Variants in MYO16 observed in about 807,000 individuals in gnomAD.
MYO16 encodes the protein unconventional myosin-XVI.
MYO16 carries 94 observed loss-of-function variants against 205.3 expected under a neutral mutation model. The ratio of observed to expected loss-of-function variants is 0.46; its 90% CI spans 0.39 to 0.54. The LOEUF (loss-of-function observed/expected upper bound fraction) is 0.54. MYO16 is among the 20% of genes least tolerant of loss of function. The pLI is 0.00. For missense variants in MYO16, 2,315 were observed against 2,387.5 expected, an observed-to-expected ratio of 0.97 and a Z score of 0.63; for synonymous variants, 988 against 954.0, an observed-to-expected ratio of 1.04 and a Z score of -0.66.
intron 28 of MYO16, among the ~76,000 whole-genome samples, chr13:109,115,242 C>CAAAA (rs61441934): frequency 4.0e-4 from 23 of 58,034 alleles, no homozygotes; most frequent in African/African-American, 1.7e-3. Flanking sequence ...CTACACCTCT[C>CAAAA]AAAAAAAAAA....
chr13:109,105,260 C>T (rs1313525324), intron 28 of MYO16, among the ~76,000 whole-genome samples: 4 of 152,226 alleles, frequency 2.6e-5, no homozygotes, highest in Non-Finnish European at 4.4e-5. Context: ...CACCTGGGAT[C>T]AGGAGTTCAA....
chr13:108,606,173 GT>G (rs1878951095), intron 1 of MYO16, among the ~76,000 whole-genome samples: 1 of 152,320 alleles, frequency 6.6e-6, no homozygotes, highest in East Asian at 1.9e-4. Context: ...GCAGCCTAAT[GT>G]TGTGATAGAA....
chr13:109,159,922 C>G (rs1219587742), intron 32 of MYO16, among the ~76,000 whole-genome samples: 1 of 152,216 alleles, frequency 6.6e-6, no homozygotes, highest in Non-Finnish European at 1.5e-5. Flanking sequence ...GCCTTTGGAT[C>G]TTAATGTGAA....
intron 20 of MYO16, among the ~76,000 whole-genome samples, chr13:108,980,943 G>A (rs985220070): frequency 3.9e-5 from 6 of 152,048 alleles, no homozygotes; most frequent in African/African-American, 1.2e-4. Context: ...TAAGTACATG[G>A]CCCAAATCAC....
chr13:108,883,168 C>G lies in MYO16; in HGVS notation c.1535C>G (p.Pro512Arg), dbSNP rs1448901330. The G allele has an allele frequency of 6.2e-7, 1 of 1,613,906 alleles. No individual in the cohort carries two copies. The highest frequency in any genetic ancestry group is 8.5e-7 in the Non-Finnish European group (1 of 1,179,858). ...AFHQLFREQR[P>R]QCFILSGERG... is the part of the protein sequence containing the mutation. Reference sequence around the variant, plus strand: ...CACCAGCTCTTCCGGGAACAGCGGCCTCAGTGTTTCATCCTCAGGTGAGTC... The same window carrying G: ...CACCAGCTCTTCCGGGAACAGCGGCGTCAGTGTTTCATCCTCAGGTGAGTC... The change falls in exon 13 of 35, where the codon CCT becomes CGT. Residue 512 changes from proline to arginine, a missense_variant. Coordinates refer to ENST00000457511, the MANE Select transcript of MYO16 (RefSeq NM_001198950.3).
At chr13:108,975,250 T>G (rs992300532) in intron 20 of MYO16, among the ~76,000 whole-genome samples, 1 of 152,048 alleles carries the variant, frequency 6.6e-6, no homozygotes, top group African/African-American at 2.4e-5. Context: ...TTTTCTCATG[T>G]TTTGCTGGAT....
At chr13:108,977,524 A>G (rs1884306826) in intron 20 of MYO16, among the ~76,000 whole-genome samples, 1 of 152,154 alleles carries the variant, frequency 6.6e-6, no homozygotes, top group African/African-American at 2.4e-5. Flanking sequence ...GCAATCATAT[A>G]CCATGCTCCA....
At chr13:108,728,033 T>C (rs574868552) in intron 4 of MYO16, among the ~76,000 whole-genome samples, 1 of 152,164 alleles carries the variant, frequency 6.6e-6, no homozygotes, top group Non-Finnish European at 1.5e-5. Context: ...ATAAAAAGCA[T>C]TGGAGTTTGT....
chr13:108,678,752 G>A (rs1440897613), intron 2 of MYO16, among the ~76,000 whole-genome samples: 1 of 152,080 alleles, frequency 6.6e-6, no homozygotes, highest in African/African-American at 2.4e-5. Context: ...CTCCCATGCA[G>A]GTTACTCTTC....
At chr13:108,869,663 G>A (rs1490815030) in intron 12 of MYO16, among the ~76,000 whole-genome samples, 5 of 145,228 alleles carry the variant, frequency 3.4e-5, no homozygotes, top group East Asian at 2.0e-4. Context: ...CCCGGGAGGC[G>A]GAGGTTGCAG....
intron 16 of MYO16, among the ~76,000 whole-genome samples, chr13:108,914,656 C>CT (rs891007749): frequency 2.6e-5 from 4 of 152,024 alleles, no homozygotes; most frequent in Non-Finnish European, 4.4e-5. Context: ...CTGTAATTCC[C>CT]TTTTTTTTCT....
intron 1 of MYO16, among the ~76,000 whole-genome samples, chr13:108,632,548 G>C (rs1566516604): frequency 6.6e-6 from 1 of 152,080 alleles, no homozygotes; most frequent in African/African-American, 2.4e-5. Context: ...ACGCTTCAAG[G>C]TCGAAACTTA....
At chr13:108,868,699 G>A (rs1878848411) in intron 12 of MYO16, among the ~76,000 whole-genome samples, 3 of 151,972 alleles carry the variant, frequency 2.0e-5, no homozygotes, top group Admixed American at 6.6e-5. Flanking sequence ...AAGGCAGGTG[G>A]ATCATGAGGT....
chr13:109,101,204 C>T (rs1431505469), intron 28 of MYO16: 1 of 228,438 alleles, frequency 4.4e-6, no homozygotes, highest in African/African-American at 2.2e-5. Context: ...TTACCCATAG[C>T]AGGAGTCAGA....
intron 3 of MYO16, 23 bp from the exon 4 acceptor site, chr13:108,727,416 AT>A: frequency 4.4e-6 from 7 of 1,604,906 alleles, no homozygotes; most frequent in Non-Finnish European, 6.0e-6. Flanking sequence ...ATAATTTGAT[AT>A]TTCCTTGTAT....
intron 1 of MYO16, among the ~76,000 whole-genome samples, chr13:108,602,880 G>A (rs759147755): frequency 6.6e-6 from 1 of 152,142 alleles, no homozygotes; most frequent in African/African-American, 2.4e-5. Context: ...TATAACACTT[G>A]CTATGAAGTA....
intron 4 of MYO16, among the ~76,000 whole-genome samples, chr13:108,780,807 CA>C (rs1886276891): frequency 6.6e-6 from 1 of 152,166 alleles, no homozygotes; most frequent in South Asian, 2.1e-4. Flanking sequence ...TAGCAACTCT[CA>C]GAAAGGCCGG....
the MYO16 span, among the ~76,000 whole-genome samples, chr13:108,496,784 T>C: frequency 6.6e-6 from 1 of 152,210 alleles, no homozygotes; most frequent in African/African-American, 2.4e-5. Flanking sequence ...GTGTTAACCG[T>C]TTGCCACTCA....
chr13:108,778,298 A>G (rs1055639119), intron 4 of MYO16, among the ~76,000 whole-genome samples: 2 of 152,164 alleles, frequency 1.3e-5, no homozygotes, highest in Non-Finnish European at 2.9e-5. Context: ...GGCGAGGAAG[A>G]CTCAGGGTGA....
Sources: gnomAD v4.1 joint callset for allele counts (sites outside exome capture counted in the v4.1 genomes callset) on GRCh38, gnomAD v4.1.1 for gene constraint, MANE v1.5 for transcripts, NCBI Gene and HGNC (gene_info 2026-07-23, HGNC 2026-07-21) for gene names.